The following PSD3 variants were observed in gnomAD, a reference collection of about 807,000 sequenced individuals.
The protein encoded by PSD3 is pleckstrin and Sec7 domain containing 3.
In PSD3, 49 loss-of-function variants were observed where a neutral mutation model predicts 105.5. The ratio of observed to expected loss-of-function variants is 0.46; its 90% CI spans 0.37 to 0.59. The LOEUF is 0.59. Ranked by LOEUF, PSD3 falls within the 20% of genes least tolerant of loss-of-function variation. The pLI is 0.00. For synonymous variants in PSD3, 557 were observed against 457.8 expected (o/e 1.22, Z -2.77); for missense variants, 1,561 against 1,263.8 (o/e 1.24, Z -3.57).
chr8:18,578,925 A>C (rs10096849), intron 12 of PSD3, among the ~76,000 whole-genome samples: 4,331 of 152,206 alleles, frequency 0.028, 224 homozygotes, highest in African/African-American at 0.1. Flanking sequence ...TCAGTGGAAG[A>C]CAGGATCTAT....
chr8:18,887,608 T>A (rs923374240), intron 2 of PSD3, among the ~76,000 whole-genome samples: 4 of 152,220 alleles, frequency 2.6e-5, no homozygotes, highest in African/African-American at 9.7e-5. Flanking sequence ...TTATTGATAC[T>A]TAATAGTGAT....
At chr8:18,903,684 GT>G (rs1819656464) in intron 2 of PSD3, among the ~76,000 whole-genome samples, 1 of 152,170 alleles carries the variant, frequency 6.6e-6, no homozygotes, top group Non-Finnish European at 1.5e-5. Context: ...AGGGACCAAT[GT>G]GCTCCTTCAG....
chr8:18,603,319 G>A (rs980174273), intron 11 of PSD3, among the ~76,000 whole-genome samples: 3 of 151,772 alleles, frequency 2.0e-5, no homozygotes, highest in African/African-American at 7.3e-5. Flanking sequence ...AGGCATCATT[G>A]TTTTTCTATA....
In PSD3 at chr8:18,774,442, A is replaced by C. The variant is rs567770495; in HGVS notation, c.2083-8904T>G. 1.2e-4 allele frequency: 22 copies of C among 180,242 alleles called. No individual in the cohort carries two copies. The South Asian group carries it at 2.9e-3, about 24-fold the overall frequency. The allele number at this position is 180,242 out of a possible 1,614,324, so 11.2% of individuals were successfully genotyped here. ...AATTATTGTTAACTATAGTCACTCT[A>C]CTGCAGTACTGAACAATACATCGTG... On this transcript the variant is annotated intron_variant, in intron 8 of 15. Transcript: ENST00000327040.
intron 11 of PSD3, among the ~76,000 whole-genome samples, chr8:18,630,510 A>T (rs979405857): frequency 2.6e-5 from 4 of 151,940 alleles, no homozygotes; most frequent in African/African-American, 7.3e-5. Context: ...TAACCAATTA[A>T]GTCAATCCAT....
intron 10 of PSD3, among the ~76,000 whole-genome samples, chr8:18,640,062 C>T (rs1267450577): frequency 6.6e-6 from 1 of 152,084 alleles, no homozygotes; most frequent in African/African-American, 2.4e-5. Context: ...CTCTGGAATC[C>T]CCATTCACTT....
intron 15 of PSD3, among the ~76,000 whole-genome samples, chr8:18,552,525 T>C (rs1800828945): frequency 6.6e-6 from 1 of 152,200 alleles, no homozygotes. Context: ...CTCAACCAAC[T>C]GTGCTTTGTT....
chr8:18,690,233 C>T (rs1339246174), intron 9 of PSD3, among the ~76,000 whole-genome samples: 4 of 152,138 alleles, frequency 2.6e-5, no homozygotes, highest in Non-Finnish European at 2.9e-5. Flanking sequence ...AGTCCTGAAA[C>T]GTATGTGACA....
chr8:18,805,478 C>G (rs1245196353), intron 4 of PSD3, among the ~76,000 whole-genome samples: 3 of 152,094 alleles, frequency 2.0e-5, no homozygotes, highest in Non-Finnish European at 4.4e-5. Context: ...TTTTAATATC[C>G]TTTTCAGATA....
At chr8:18,740,156 T>G (rs1210894742) in intron 9 of PSD3, among the ~76,000 whole-genome samples, 1 of 152,192 alleles carries the variant, frequency 6.6e-6, no homozygotes. Flanking sequence ...AGCACGGCGT[T>G]GCTTTCCTGT....
At chr8:18,723,895 AAATT>A (rs1306928211) in intron 9 of PSD3, among the ~76,000 whole-genome samples, 3 of 152,210 alleles carry the variant, frequency 2.0e-5, no homozygotes, top group Non-Finnish European at 1.5e-5. Flanking sequence ...CCTGAGGCAG[AAATT>A]AATTTAATGT....
chr8:19,005,487 T>A (rs977276311), intron 1 of PSD3, among the ~76,000 whole-genome samples: 8 of 151,838 alleles, frequency 5.3e-5, no homozygotes, highest in African/African-American at 1.9e-4. Context: ...TGGGGTTTTT[T>A]TGTTTTCTTT....
chr8:18,912,472 G>C (rs1820294329), intron 2 of PSD3, among the ~76,000 whole-genome samples: 1 of 151,996 alleles, frequency 6.6e-6, no homozygotes, highest in Non-Finnish European at 1.5e-5. Flanking sequence ...TAAGCTTTCA[G>C]AAGGAAAAAA....
chr8:18,868,201 T>G, intron 3 of PSD3, 132 bp from the exon 4 acceptor site: 1 of 1,065,186 alleles, frequency 9.4e-7, no homozygotes, highest in Non-Finnish European at 1.3e-6. Context: ...CTTAACATAT[T>G]TGGGAAGGAA....
At chr8:19,031,230 T>C (rs7824239) in intron 1 of PSD3, among the ~76,000 whole-genome samples, 3,744 of 152,282 alleles carry the variant, frequency 0.025, 148 homozygotes, top group African/African-American at 0.084. Flanking sequence ...ATTTCTATTG[T>C]GTTCATGTAC....
chr8:18,651,295 G>C (rs945568334), intron 10 of PSD3, among the ~76,000 whole-genome samples: 5 of 150,952 alleles, frequency 3.3e-5, no homozygotes, highest in Non-Finnish European at 7.3e-5. Flanking sequence ...GTTTATAACA[G>C]TTATAACATT....
rs527239850 is a variant in PSD3 at position 18,880,202 on chromosome 8, T to A, written c.131-7469A>T. 1.6e-3 allele frequency among the ~76,000 whole-genome samples: 247 copies of A among 152,334 alleles called. 2 individuals are homozygous for A. The highest frequency in any genetic ancestry group is 5.7e-3 in the African/African-American group (237 of 41,570). On this transcript the variant is annotated intron_variant, in intron 2 of 15. Coordinates refer to ENST00000327040, the MANE Select transcript of PSD3 (RefSeq NM_015310.4). ...ACTATATGCTAAGATAATTATTTTT[T>A]TAAAAAAAGACCAAATTATTGTTTT...
At position 18,995,081 on chromosome 8, in the gene PSD3, C is replaced by T. The variant is rs537173530; in HGVS notation, c.21+18482G>A. On this transcript the variant is annotated intron_variant, in intron 1 of 15. Transcript: ENST00000327040. ...TATAACAAAGCCAAAGGACTGCTTT[C>T]CAGCAAGGGAGCTGTTTACTGAAGA... is the stretch of plus-strand genomic sequence containing the variant. Among the ~76,000 whole-genome samples the T allele has an allele frequency of 7.2e-4, 109 of 152,282 alleles. 2 individuals are homozygous for T. The Middle Eastern group carries it at 0.01, about 14-fold the overall frequency.
intron 1 of PSD3, among the ~76,000 whole-genome samples, chr8:18,991,320 A>C (rs1825777895): frequency 6.6e-6 from 1 of 150,402 alleles, no homozygotes; most frequent in South Asian, 2.1e-4. Context: ...CTCGGACAAT[A>C]ATCTTGGGCA....
Sources: gnomAD v4.1 joint callset for allele counts (sites outside exome capture counted in the v4.1 genomes callset) on GRCh38, gnomAD v4.1.1 for gene constraint, MANE v1.5 for transcripts, NCBI Gene and HGNC (gene_info 2026-07-23, HGNC 2026-07-21) for gene names.